GPR39: variants seen among roughly 807,000 people sequenced by gnomAD.
GPR39 encodes zinc sensing receptor.
GPR39 carries 23 observed loss-of-function variants against 18.4 expected under a neutral mutation model. The observed-to-expected ratio is 1.25, with a 90% CI of 0.90 to 1.77. The LOEUF is 1.77. Ranked by LOEUF, GPR39 falls within the 40% of genes most tolerant of loss-of-function variation. The probability of loss-of-function intolerance (pLI) is 0.00; values close to 1 mark genes in which losing one functional copy is unlikely to be tolerated. For missense variants in GPR39, 647 were observed against 602.4 expected (o/e 1.07, Z -0.78); for synonymous variants, 280 against 257.9 (o/e 1.09, Z -0.82).
At chr2:132,591,963 T>C (rs1287708206) in intron 1 of GPR39, among the ~76,000 whole-genome samples, 1 of 152,242 alleles carries the variant, frequency 6.6e-6, no homozygotes, top group Admixed American at 6.5e-5. Flanking sequence ...CGAGTAGCTA[T>C]GCCATTTTTC....
intron 1 of GPR39, among the ~76,000 whole-genome samples, chr2:132,606,563 G>A (rs1430992184): frequency 6.6e-6 from 1 of 152,238 alleles, no homozygotes; most frequent in Non-Finnish European, 1.5e-5. Context: ...GTATTTACAA[G>A]CCCAAGTGGG....
chr2:132,485,880 C>T (rs572948673), intron 1 of GPR39, among the ~76,000 whole-genome samples: 33 of 152,220 alleles, frequency 2.2e-4, no homozygotes, highest in Non-Finnish European at 4.0e-4. Flanking sequence ...ATATTTTTAA[C>T]GGTATCTAGA....
intron 1 of GPR39, among the ~76,000 whole-genome samples, chr2:132,598,605 T>G (rs369271045): frequency 9.9e-5 from 15 of 152,018 alleles, no homozygotes; most frequent in Admixed American, 7.2e-4. Context: ...TTCCTAGATG[T>G]GGCACTGGGG....
chr2:132,427,123 TATAGGTACATATATATATATATATATATA>T (rs1680134744), intron 1 of GPR39, among the ~76,000 whole-genome samples: 2 of 71,988 alleles, frequency 2.8e-5, no homozygotes, highest in Non-Finnish European at 5.6e-5. Flanking sequence ...AATATACATA[TATAGGTACATATATATATATATATATATA>T]TATATATATA....
intron 1 of GPR39, among the ~76,000 whole-genome samples, chr2:132,431,984 C>G (rs1226607682): frequency 6.6e-6 from 1 of 152,162 alleles, no homozygotes; most frequent in African/African-American, 2.4e-5. Flanking sequence ...ACTCTTTCAA[C>G]CTTCCAGTTG....
At chr2:132,428,689 G>A (rs1357415493) in intron 1 of GPR39, among the ~76,000 whole-genome samples, 3 of 152,158 alleles carry the variant, frequency 2.0e-5, no homozygotes, top group East Asian at 3.8e-4. Context: ...GGTATGAGAA[G>A]CACTGATCTA....
intron 1 of GPR39, among the ~76,000 whole-genome samples, chr2:132,610,339 TTAAGA>T (rs1681217794): frequency 6.6e-6 from 1 of 152,156 alleles, no homozygotes; most frequent in Admixed American, 6.5e-5. Context: ...GAAGCATTAA[TTAAGA>T]TGACACTAGC....
At chr2:132,577,820 A>C (rs1364612249) in intron 1 of GPR39, among the ~76,000 whole-genome samples, 1 of 152,134 alleles carries the variant, frequency 6.6e-6, no homozygotes, top group African/African-American at 2.4e-5. Context: ...TGCCATCTGC[A>C]AATAGGGGCA....
intron 1 of GPR39, among the ~76,000 whole-genome samples, chr2:132,496,332 C>T (rs892458576): frequency 2.0e-5 from 3 of 152,120 alleles, no homozygotes; most frequent in Admixed American, 2.0e-4. Context: ...TATATGGAAC[C>T]TATAATTTCT....
intron 1 of GPR39, among the ~76,000 whole-genome samples, chr2:132,513,939 C>A (rs1405758223): frequency 3.3e-5 from 5 of 152,202 alleles, no homozygotes; most frequent in Non-Finnish European, 5.9e-5. Flanking sequence ...AGTGAATATT[C>A]AATTTAAACT....
chr2:132,417,724 T>TTCGTGGTCTACC lies in GPR39; in HGVS notation c.691_702dup (p.Tyr231_Val234dup). On this transcript the variant is annotated inframe_insertion, in exon 1 of 2. Transcript: ENST00000329321. Reference sequence around the variant, plus strand: ...GTTCCAGTCCAGCATCTTCGGCGCCTTCGTGGTCTACCTCGTGGTCCTGCT... The same window carrying TTCGTGGTCTACC: ...GTTCCAGTCCAGCATCTTCGGCGCCTTCGTGGTCTACCTCGTGGTCTACCTCGTGGTCCTGCT... 2.5e-6 allele frequency: 4 copies of TTCGTGGTCTACC among 1,614,188 alleles called. No individual in the cohort carries two copies. Among genetic ancestry groups the TTCGTGGTCTACC allele is most frequent in the Non-Finnish European group, 3.4e-6 (4 of 1,180,032 alleles).
chr2:132,444,334 C>CA (rs2104766903), intron 1 of GPR39, among the ~76,000 whole-genome samples: 1 of 152,022 alleles, frequency 6.6e-6, no homozygotes, highest in South Asian at 2.1e-4. Flanking sequence ...ACTCTTGTCA[C>CA]CTTAGGCTGT....
At chr2:132,443,638 C>T (rs771677061) in intron 1 of GPR39, among the ~76,000 whole-genome samples, 3 of 152,172 alleles carry the variant, frequency 2.0e-5, no homozygotes, top group Non-Finnish European at 2.9e-5. Flanking sequence ...ATGAATTTAT[C>T]GGGATGTAGG....
chr2:132,621,773 C>A (rs1401351609), intron 1 of GPR39, among the ~76,000 whole-genome samples: 1 of 152,182 alleles, frequency 6.6e-6, no homozygotes, highest in African/African-American at 2.4e-5. Flanking sequence ...TGATGTCCAT[C>A]TTCCAAGGTT....
rs758648473 is a variant in GPR39 at position 132,621,044 on chromosome 2, G to A, written c.857-24057G>A. 1.8e-4 allele frequency among the ~76,000 whole-genome samples: 28 copies of A among 152,202 alleles called. 1 individual carries two copies. The highest frequency in any genetic ancestry group is 6.8e-3 in the Middle Eastern group (2 of 294). On this transcript the variant is annotated intron_variant, in intron 1 of 1. Transcript: ENST00000329321. ...TGGGATTACAGGAGTGAGCCACTGC[G>A]CCTGGCCACCTTCACATTTTAAATA...
chr2:132,420,009 CTT>C (rs1219739987), intron 1 of GPR39, among the ~76,000 whole-genome samples: 1 of 152,214 alleles, frequency 6.6e-6, no homozygotes, highest in Non-Finnish European at 1.5e-5. Context: ...ATGCCACAGA[CTT>C]TTATTTAGAG....
At chr2:132,523,416 T>C (rs1299151010) in intron 1 of GPR39, among the ~76,000 whole-genome samples, 3 of 152,170 alleles carry the variant, frequency 2.0e-5, no homozygotes, top group African/African-American at 7.2e-5. Flanking sequence ...CCGTTCAGCT[T>C]AGACCTGTGA....
chr2:132,504,415 C>A (rs2104753008), intron 1 of GPR39, among the ~76,000 whole-genome samples: 1 of 152,306 alleles, frequency 6.6e-6, no homozygotes, highest in South Asian at 2.1e-4. Flanking sequence ...GGTCACTCAG[C>A]CTCTTGGGCC....
At chr2:132,534,852 G>A (rs1003636276) in intron 1 of GPR39, among the ~76,000 whole-genome samples, 1 of 152,022 alleles carries the variant, frequency 6.6e-6, no homozygotes, top group East Asian at 1.9e-4. Context: ...GGTTGGGGGA[G>A]GAGGGAGGGT....
Sources: gnomAD v4.1 joint callset for allele counts (sites outside exome capture counted in the v4.1 genomes callset) on GRCh38, gnomAD v4.1.1 for gene constraint, MANE v1.5 for transcripts, NCBI Gene and HGNC (gene_info 2026-07-23, HGNC 2026-07-21) for gene names.